The following DNAL1 variants were observed in gnomAD, a reference collection of about 807,000 sequenced individuals.
The protein encoded by DNAL1 is dynein axonemal light chain 1, also known as chromosome 14 open reading frame 168.
In DNAL1, 17 loss-of-function variants were observed where a neutral mutation model predicts 29.4. The ratio of observed to expected loss-of-function variants is 0.58; its 90% CI spans 0.40 to 0.87. The LOEUF is 0.87. DNAL1 is among the 40% of genes least tolerant of loss of function. The probability of loss-of-function intolerance (pLI) is 0.00; values close to 1 mark genes in which losing one functional copy is unlikely to be tolerated. For missense variants in DNAL1, 188 were observed against 214.1 expected (o/e 0.88, Z 0.76); for synonymous variants, 78 against 76.3 (o/e 1.02, Z -0.12).
intron 5 of DNAL1, among the ~76,000 whole-genome samples, chr14:73,676,551 C>A (rs189200402): frequency 6.6e-6 from 1 of 152,096 alleles, no homozygotes; most frequent in African/African-American, 2.4e-5. Context: ...CCTTCAATGT[C>A]AATACATGCA....
At chr14:73,679,795 C>CT (rs386381772) in intron 5 of DNAL1, among the ~76,000 whole-genome samples, 6 of 43,064 alleles carry the variant, frequency 1.4e-4, no homozygotes, top group East Asian at 1.9e-3. Flanking sequence ...ATAGTCTTAT[C>CT]TTCTTAATTA....
At chr14:73,663,537 C>CT (rs201669829) in intron 4 of DNAL1, among the ~76,000 whole-genome samples, 3 of 151,334 alleles carry the variant, frequency 2.0e-5, no homozygotes, top group South Asian at 2.1e-4. Context: ...ATTTTTATTT[C>CT]TTTTTTTTTA....
intron 7 of DNAL1, among the ~76,000 whole-genome samples, chr14:73,690,665 AAG>A (rs1301234320): frequency 1.3e-5 from 2 of 152,020 alleles, no homozygotes; most frequent in Non-Finnish European, 2.9e-5. Flanking sequence ...AAAAAAAAAA[AAG>A]AGAAGGATCC....
Position 73,698,601 on chromosome 14 carries a change from GC to G in DNAL1, c.*2661del, listed in dbSNP as rs1262485825. On this transcript the variant is annotated 3_prime_UTR_variant, in exon 8 of 8. Coordinates refer to ENST00000553645, the MANE Select transcript of DNAL1 (RefSeq NM_031427.4). Reference sequence around the variant, plus strand: ...TGGGACCACAGGCACGTGCCATCATGCCTGGCCTATTTTTGTATTTTTAGTA... The same window carrying G: ...TGGGACCACAGGCACGTGCCATCATGCTGGCCTATTTTTGTATTTTTAGTA... 1 of 151,878 alleles carries G rather than the reference GC, an allele frequency of 6.6e-6. No individual in the cohort carries two copies. The highest frequency in any genetic ancestry group is 1.5e-5 in the Non-Finnish European group (1 of 68,010). The allele number at this position is 151,878 out of a possible 1,614,324, so 9.4% of individuals were successfully genotyped here.
At chr14:73,650,417 C>G (rs1189413288) in intron 1 of DNAL1, among the ~76,000 whole-genome samples, 1 of 152,084 alleles carries the variant, frequency 6.6e-6, no homozygotes, top group Non-Finnish European at 1.5e-5. Flanking sequence ...GGAGGGCCAA[C>G]TGTATATATT....
chr14:73,664,890 C>T (rs1891441174), intron 4 of DNAL1, among the ~76,000 whole-genome samples: 1 of 152,022 alleles, frequency 6.6e-6, no homozygotes, highest in Non-Finnish European at 1.5e-5. Context: ...ATTACGAATG[C>T]CACGTGTGAA....
Position 73,696,267 on chromosome 14 carries a change from A to C in DNAL1, c.*325A>C. 1 of 183,856 alleles carries C rather than the reference A, an allele frequency of 5.4e-6. No homozygotes were observed. The highest frequency in any genetic ancestry group is 1.1e-5 in the Non-Finnish European group (1 of 89,646). 11.4% of individuals were successfully genotyped at this position (183,856 alleles called of 1,614,324 possible). ...GTCATTTTTAATAACAAAGGAACAAATGTTTTTTTCAGTTTGTTCATTTTT... is the reference window on the plus strand; with the variant it reads ...GTCATTTTTAATAACAAAGGAACAACTGTTTTTTTCAGTTTGTTCATTTTT... On this transcript the variant is annotated 3_prime_UTR_variant, in exon 8 of 8. Coordinates refer to ENST00000553645, the MANE Select transcript of DNAL1 (RefSeq NM_031427.4).
chr14:73,692,860 G>A (rs903304143), intron 7 of DNAL1, among the ~76,000 whole-genome samples: 2 of 146,322 alleles, frequency 1.4e-5, no homozygotes, highest in African/African-American at 2.6e-5. Flanking sequence ...TTTTTGAATC[G>A]GAGTCTCACG....
At chr14:73,682,376 A>C (rs1891910447) in intron 5 of DNAL1, among the ~76,000 whole-genome samples, 2 of 130,010 alleles carry the variant, frequency 1.5e-5, no homozygotes, top group South Asian at 4.9e-4. Context: ...TTTAGTACAG[A>C]TAGGGTTTCA....
rs534101924 is a variant in DNAL1 at position 73,699,468 on chromosome 14, G to C, written c.*3526G>C. On this transcript the variant is annotated 3_prime_UTR_variant, in exon 8 of 8. Coordinates refer to ENST00000553645, the MANE Select transcript of DNAL1 (RefSeq NM_031427.4). ...CTACAGGCACGCGCCACCATGCCTGGCTAATTTTTGTATTTTTAGTACAGA... is the reference window on the plus strand; with the variant it reads ...CTACAGGCACGCGCCACCATGCCTGCCTAATTTTTGTATTTTTAGTACAGA... 1 of 150,688 alleles carries C rather than the reference G, an allele frequency of 6.6e-6. No homozygotes were observed. Among genetic ancestry groups the C allele is most frequent in the African/African-American group, 2.4e-5 (1 of 41,278 alleles). 9.3% of individuals were successfully genotyped at this position (150,688 alleles called of 1,614,324 possible).
intron 5 of DNAL1, among the ~76,000 whole-genome samples, chr14:73,675,309 A>C (rs965579559): frequency 1.3e-5 from 2 of 151,624 alleles, no homozygotes; most frequent in Non-Finnish European, 2.9e-5. Context: ...GCTGGAGTGC[A>C]GTGGCATGAT....
intron 4 of DNAL1, among the ~76,000 whole-genome samples, chr14:73,665,385 G>C (rs1891453155): frequency 6.6e-6 from 1 of 152,028 alleles, no homozygotes; most frequent in South Asian, 2.1e-4. Flanking sequence ...TTTTTTCTCT[G>C]TAATTGAAGT....
At position 73,678,511 on chromosome 14, in the gene DNAL1, CTT is replaced by C. The variant is rs11379191; in HGVS notation, c.264+6935_264+6936del. ...TATTCAAATATAGTGAGCAGGTATTCTTTTTTTTTTTTTTTTTTTTTTAGCAG... is the reference window on the plus strand; with the variant it reads ...TATTCAAATATAGTGAGCAGGTATTCTTTTTTTTTTTTTTTTTTTTAGCAG... On this transcript the variant is annotated intron_variant, in intron 5 of 7. Transcript: ENST00000553645. 4.7e-3 allele frequency among the ~76,000 whole-genome samples: 560 copies of C among 118,152 alleles called. 1 individual carries two copies. The highest frequency in any genetic ancestry group is 7.3e-3 in the Non-Finnish European group (417 of 57,206). The allele number at this position is 118,152 out of a possible 152,430, so 77.5% of individuals were successfully genotyped here.
intron 1 of DNAL1, chr14:73,651,430 A>G (rs1891111663): frequency 6.6e-6 from 1 of 152,248 alleles, no homozygotes; most frequent in Admixed American, 6.5e-5. Context: ...ACAACTTGTT[A>G]CAGGGAATAC....
At chr14:73,672,035 T>C (rs1440108214) in intron 5 of DNAL1, among the ~76,000 whole-genome samples, 1 of 152,174 alleles carries the variant, frequency 6.6e-6, no homozygotes, top group Non-Finnish European at 1.5e-5. Context: ...CCTGGCTGCT[T>C]TTCCCCTCCC....
Position 73,687,316 on chromosome 14 carries a change from T to C in DNAL1, c.322T>C (p.Leu108=). Residue 108 remains leucine, a synonymous_variant, in exon 6 of 8, where the codon TTG becomes CTG. Transcript: ENST00000553645. ...GATCTCCTACAATTTTATTGAGAAG[T>C]TGAAAGGGATCCACATAATGAAGAA... The part of the protein sequence containing the change: ...LWISYNFIEK[L]KGIHIMKKLK... The C allele has an allele frequency of 6.2e-7, 1 of 1,613,444 alleles. No individual in the cohort carries two copies.
At chr14:73,695,301 T>C (rs1465686685) in intron 7 of DNAL1, among the ~76,000 whole-genome samples, 1 of 151,246 alleles carries the variant, frequency 6.6e-6, no homozygotes, top group African/African-American at 2.4e-5. Flanking sequence ...TAAGCGCTTC[T>C]CTCATCTGGC....
chr14:73,667,037 A>G (rs964094081), intron 4 of DNAL1, among the ~76,000 whole-genome samples: 8 of 151,032 alleles, frequency 5.3e-5, no homozygotes, highest in Non-Finnish European at 1.0e-4. Context: ...GATGGCTCCC[A>G]CATTTAGATC....
intron 7 of DNAL1, 125 bp downstream of exon 7, chr14:73,689,640 T>A: frequency 7.1e-7 from 1 of 1,410,476 alleles, no homozygotes. Context: ...CATTTCTATC[T>A]ATGTAAAATT....
Sources: allele counts gnomAD v4.1 joint callset (sites outside exome capture counted in the v4.1 genomes callset), GRCh38; gene constraint gnomAD v4.1.1; transcripts MANE v1.5; gene names NCBI Gene and HGNC (gene_info 2026-07-23, HGNC 2026-07-21).